Variants in PPP1R21 observed in about 807,000 individuals in gnomAD.
PPP1R21 encodes the protein KLRAQ motif containing 1.
In PPP1R21, 85 loss-of-function variants were observed where a neutral mutation model predicts 112.8. The observed-to-expected ratio is 0.75, with a 90% CI of 0.63 to 0.90. The LOEUF (loss-of-function observed/expected upper bound fraction) is 0.90. Among genes scored for constraint, PPP1R21 ranks in the 40% least tolerant of loss-of-function variants. The pLI is 0.00. For synonymous variants in PPP1R21, 381 were observed against 322.3 expected (o/e 1.18, Z -1.95); for missense variants, 1,199 against 901.5 (o/e 1.33, Z -4.23).
At chr2:48,458,860 A>C (rs1335387201) in intron 4 of PPP1R21, among the ~76,000 whole-genome samples, 1 of 152,124 alleles carries the variant, frequency 6.6e-6, no homozygotes, top group Admixed American at 6.5e-5. Context: ...TGGGAGGCCA[A>C]GGTGGGCGGA....
At chr2:48,466,502 C>T (rs1332488471) in intron 9 of PPP1R21, among the ~76,000 whole-genome samples, 1 of 152,032 alleles carries the variant, frequency 6.6e-6, no homozygotes, top group Non-Finnish European at 1.5e-5. Flanking sequence ...GCTGGGATTA[C>T]AGGTGTAAGC....
intron 14 of PPP1R21, among the ~76,000 whole-genome samples, chr2:48,489,555 G>C (rs1669463164): frequency 6.6e-6 from 1 of 151,016 alleles, no homozygotes; most frequent in African/African-American, 2.4e-5. Flanking sequence ...CGCCCAGGCT[G>C]GTCTTGAACT....
chr2:48,476,206 T>C (rs1381704300), intron 12 of PPP1R21, among the ~76,000 whole-genome samples: 3 of 152,352 alleles, frequency 2.0e-5, no homozygotes, highest in Non-Finnish European at 1.5e-5. Flanking sequence ...TGGAATAATA[T>C]GGTATGTGGT....
chr2:48,451,368 G>C (rs1475107021), intron 2 of PPP1R21, among the ~76,000 whole-genome samples: 1 of 152,180 alleles, frequency 6.6e-6, no homozygotes, highest in Non-Finnish European at 1.5e-5. Flanking sequence ...GGATTATTAA[G>C]GCTTCTTATC....
At chr2:48,493,583 G>A (rs1181349335) in intron 15 of PPP1R21, among the ~76,000 whole-genome samples, 1 of 100,862 alleles carries the variant, frequency 9.9e-6, no homozygotes, top group African/African-American at 4.3e-5. Flanking sequence ...GCCTGTAGTA[G>A]CTGGAAAAAA....
intron 4 of PPP1R21, 98 bp downstream of exon 4, chr2:48,458,325 G>T (rs1667814349): frequency 2.9e-6 from 2 of 685,268 alleles, no homozygotes; most frequent in East Asian, 2.8e-5. Context: ...GTCTGCGTGG[G>T]TATTTTAATG....
chr2:48,506,440 A>G (rs747271482), intron 18 of PPP1R21, among the ~76,000 whole-genome samples: 2 of 152,332 alleles, frequency 1.3e-5, no homozygotes, highest in South Asian at 2.1e-4. Flanking sequence ...AAGTCATCCA[A>G]CTTACCACTC....
intron 12 of PPP1R21, among the ~76,000 whole-genome samples, chr2:48,476,599 C>G (rs1278984962): frequency 3.3e-5 from 5 of 152,114 alleles, no homozygotes; most frequent in African/African-American, 1.2e-4. Flanking sequence ...TCTCCACATC[C>G]TCTTCAGTGT....
At chr2:48,479,447 G>A (rs767611410) in intron 12 of PPP1R21, 2 of 471,218 alleles carry the variant, frequency 4.2e-6, no homozygotes, top group Non-Finnish European at 8.8e-6. Flanking sequence ...CGTCTCCAGA[G>A]ACTTTAAGTG....
At chr2:48,460,486 G>A (rs149585935) in intron 6 of PPP1R21, among the ~76,000 whole-genome samples, 1 of 152,266 alleles carries the variant, frequency 6.6e-6, no homozygotes, top group East Asian at 1.9e-4. Context: ...TAATCACCAT[G>A]CCAATCTTTT....
intron 13 of PPP1R21, among the ~76,000 whole-genome samples, chr2:48,485,814 T>C (rs1572872639): frequency 6.7e-6 from 1 of 150,272 alleles, no homozygotes; most frequent in Admixed American, 6.7e-5. Flanking sequence ...ACAGAATTGC[T>C]ATAAAAATTT....
chr2:48,452,883 G>A (rs1667541201), intron 2 of PPP1R21, among the ~76,000 whole-genome samples: 1 of 151,560 alleles, frequency 6.6e-6, no homozygotes, highest in Admixed American at 6.6e-5. Context: ...TATCCCTCTA[G>A]CACTTTTCTC....
chr2:48,500,390 A>C (rs1193299628), intron 17 of PPP1R21, among the ~76,000 whole-genome samples: 1 of 152,136 alleles, frequency 6.6e-6, no homozygotes, highest in Non-Finnish European at 1.5e-5. Context: ...GATGTTTACT[A>C]TACTTTTTAC....
At chr2:48,505,315 G>A (rs1288406440) in intron 17 of PPP1R21, among the ~76,000 whole-genome samples, 10 of 152,232 alleles carry the variant, frequency 6.6e-5, no homozygotes. Context: ...GTTTCAGTGA[G>A]AATGGCTAAT....
At chr2:48,468,905 G>A (rs946408563) in intron 9 of PPP1R21, among the ~76,000 whole-genome samples, 1 of 150,508 alleles carries the variant, frequency 6.6e-6, no homozygotes, top group Non-Finnish European at 1.5e-5. Flanking sequence ...CCGTCTTCAC[G>A]CTGCTGATAA....
Position 48,510,069 on chromosome 2 carries a change from A to T in PPP1R21, c.2140A>T (p.Thr714Ser). Residue 714 changes from threonine (T) to serine (S), a missense_variant, in exon 20 of 22, where the codon ACA becomes TCA. Transcript: ENST00000294952. ...GGCTGAAAAGTCTAAGGAAGCATTG[A>T]CAGAAGAAATGAAACTTGCCAGTCA... Reference protein sequence around the residue: ...ALAEKSKEALTEEMKLASQNI... With the variant: ...ALAEKSKEALSEEMKLASQNI... The T allele has an allele frequency of 6.2e-7, 1 of 1,614,130 alleles. No homozygotes were observed. Among genetic ancestry groups the T allele is most frequent in the Non-Finnish European group, 8.5e-7 (1 of 1,179,964 alleles).
rs1308288016 is a variant in PPP1R21 at position 48,480,994 on chromosome 2, T to C, written c.1318+978T>C. Reference sequence around the variant, plus strand: ...GCTTGTATTCAATTATAAGGAACTTTATAATTTTTTCTGAGGTTCAGTTTC... The same window carrying C: ...GCTTGTATTCAATTATAAGGAACTTCATAATTTTTTCTGAGGTTCAGTTTC... On this transcript the variant is annotated intron_variant, in intron 13 of 21. Coordinates refer to ENST00000294952, the MANE Select transcript of PPP1R21 (RefSeq NM_001135629.3). 3.9e-5 allele frequency among the ~76,000 whole-genome samples: 6 copies of C among 152,170 alleles called. No homozygotes were observed. The East Asian group carries it at 1.2e-3, about 29-fold the overall frequency.
chr2:48,487,891 T>A (rs1301503196), intron 14 of PPP1R21, among the ~76,000 whole-genome samples: 2 of 152,170 alleles, frequency 1.3e-5, no homozygotes, highest in Non-Finnish European at 2.9e-5. Flanking sequence ...GAGAACATCC[T>A]ACATGTATAA....
chr2:48,461,544 T>A (rs1014687169), intron 7 of PPP1R21, among the ~76,000 whole-genome samples: 6 of 152,096 alleles, frequency 3.9e-5, no homozygotes, highest in Non-Finnish European at 4.4e-5. Context: ...ACAAGAAAAA[T>A]TGTTGATTGG....
Sources: gnomAD v4.1 joint callset for allele counts (sites outside exome capture counted in the v4.1 genomes callset) on GRCh38, gnomAD v4.1.1 for gene constraint, MANE v1.5 for transcripts, NCBI Gene and HGNC (gene_info 2026-07-23, HGNC 2026-07-21) for gene names.